STK32B: variants seen among roughly 807,000 people sequenced by gnomAD.
The protein encoded by STK32B is serine/threonine-protein kinase 32B.
Under a neutral mutation model 52.6 loss-of-function variants are expected in STK32B, and 43 were observed. The ratio of observed to expected loss-of-function variants is 0.82; its 90% confidence interval spans 0.64 to 1.05. The LOEUF (loss-of-function observed/expected upper bound fraction) is 1.05. Among genes scored for constraint, STK32B ranks in the 50% least tolerant of loss-of-function variants. STK32B has a pLI of 0.00. For missense variants in STK32B, 621 were observed against 534.6 expected, an observed-to-expected ratio of 1.16 and a Z score of -1.59; for synonymous variants, 238 against 204.3, an observed-to-expected ratio of 1.17 and a Z score of -1.41.
In STK32B at chr4:5,082,582, A is replaced by C. The variant is rs59646328; in HGVS notation, c.52+30667A>C. Among the ~76,000 whole-genome samples, 8 of 152,330 alleles carry C rather than the reference A, an allele frequency of 5.3e-5. No homozygotes were observed. The East Asian group carries it at 1.5e-3, about 29-fold the overall frequency. On this transcript the variant is annotated intron_variant, in intron 1 of 11. Coordinates refer to ENST00000282908, the MANE Select transcript of STK32B (RefSeq NM_018401.3). The stretch of plus-strand genomic sequence containing the variant: ...TATATCCGTATCTATTGCCTGCTGG[A>C]AATGTAATGACAACTCTAACTTTTT...
At chr4:5,285,114 C>G (rs1728463209) in intron 3 of STK32B, among the ~76,000 whole-genome samples, 1 of 152,154 alleles carries the variant, frequency 6.6e-6, no homozygotes, top group Middle Eastern at 3.2e-3. Flanking sequence ...TTTAATTTCT[C>G]TAGCTTACTT....
intron 3 of STK32B, among the ~76,000 whole-genome samples, chr4:5,263,862 CTGTG>C (rs1339846219): frequency 6.6e-6 from 1 of 152,222 alleles, no homozygotes; most frequent in Non-Finnish European, 1.5e-5. Context: ...CAGGAAACCA[CTGTG>C]CTTATTTCTA....
chr4:5,364,987 T>A (rs1456980438), intron 4 of STK32B, among the ~76,000 whole-genome samples: 1 of 152,182 alleles, frequency 6.6e-6, no homozygotes, highest in Non-Finnish European at 1.5e-5. Flanking sequence ...GCGATTCTCC[T>A]GCCTCAGCAT....
intron 1 of STK32B, among the ~76,000 whole-genome samples, chr4:5,131,034 C>A (rs901687479): frequency 6.6e-6 from 1 of 152,180 alleles, no homozygotes; most frequent in Admixed American, 6.5e-5. Flanking sequence ...CCCGTCACCC[C>A]CTTTTGATGT....
Position 5,447,777 on chromosome 4 carries a change from G to A in STK32B, c.666+1001G>A, listed in dbSNP as rs78972239. Among the ~76,000 whole-genome samples, 1,271 of 152,316 alleles carry A rather than the reference G, an allele frequency of 8.3e-3. 28 individuals are homozygous for A. Among genetic ancestry groups the A allele is most frequent in the African/African-American group, 0.027 (1,125 of 41,562 alleles). The stretch of plus-strand genomic sequence containing the variant: ...TAACGGGGATAATAAGATCCTTTCT[G>A]TCTATTTAGCGGAGCTGGAGTTTTA... On this transcript the variant is annotated intron_variant, in intron 7 of 11. Coordinates refer to ENST00000282908, the MANE Select transcript of STK32B (RefSeq NM_018401.3).
intron 3 of STK32B, among the ~76,000 whole-genome samples, chr4:5,226,665 G>A (rs1233517422): frequency 6.6e-6 from 1 of 152,076 alleles, no homozygotes; most frequent in Non-Finnish European, 1.5e-5. Context: ...ACTTAATAAC[G>A]GCCCCAAAGC....
chr4:5,214,395 G>A (rs899490744), intron 3 of STK32B: 7 of 152,172 alleles, frequency 4.6e-5, no homozygotes, highest in Non-Finnish European at 1.0e-4. Flanking sequence ...CCCAGTCTCG[G>A]GTAGTTCTTT....
chr4:5,473,471 T>TC (rs576124271), intron 11 of STK32B, among the ~76,000 whole-genome samples: 8 of 152,028 alleles, frequency 5.3e-5, no homozygotes, highest in South Asian at 2.1e-4. Context: ...TTATGCTTAT[T>TC]CCCCCCCATT....
At chr4:5,466,873 T>C in intron 10 of STK32B, 39 bp downstream of exon 10, 1 of 1,601,806 alleles carries the variant, frequency 6.2e-7, no homozygotes. Flanking sequence ...AGAGAAATCC[T>C]GTGCTCATAG....
At chr4:5,195,235 T>C (rs1392195779) in intron 3 of STK32B, among the ~76,000 whole-genome samples, 1 of 152,128 alleles carries the variant, frequency 6.6e-6, no homozygotes, top group Non-Finnish European at 1.5e-5. Flanking sequence ...TACCTTTGAT[T>C]TGCCAATATA....
intron 4 of STK32B, among the ~76,000 whole-genome samples, chr4:5,359,007 G>T (rs1238612564): frequency 6.6e-6 from 1 of 152,188 alleles, no homozygotes; most frequent in Non-Finnish European, 1.5e-5. Flanking sequence ...ATTAACACAG[G>T]AAAGGGGTTG....
intron 1 of STK32B, among the ~76,000 whole-genome samples, chr4:5,087,457 A>T (rs2108780185): frequency 6.6e-6 from 1 of 152,154 alleles, no homozygotes; most frequent in Admixed American, 6.5e-5. Flanking sequence ...AACAGTAGTT[A>T]TATTAAATGT....
intron 4 of STK32B, among the ~76,000 whole-genome samples, chr4:5,358,548 G>A (rs1486619641): frequency 3.9e-5 from 6 of 152,006 alleles, no homozygotes; most frequent in Admixed American, 1.3e-4. Flanking sequence ...CAAAGCTTGG[G>A]CATTAAGAAC....
chr4:5,403,395 G>A (rs1258818201), intron 5 of STK32B, among the ~76,000 whole-genome samples: 1 of 152,058 alleles, frequency 6.6e-6, no homozygotes, highest in Non-Finnish European at 1.5e-5. Flanking sequence ...CCTTCCCATG[G>A]AAACCACAAT....
intron 7 of STK32B, among the ~76,000 whole-genome samples, chr4:5,450,526 C>G (rs566779266): frequency 6.6e-6 from 1 of 152,290 alleles, no homozygotes; most frequent in Non-Finnish European, 1.5e-5. Context: ...TTTCCCCTTA[C>G]TCAGTCGAAA....
chr4:5,276,269 A>G (rs1420577735), intron 3 of STK32B, among the ~76,000 whole-genome samples: 1 of 152,122 alleles, frequency 6.6e-6, no homozygotes, highest in African/African-American at 2.4e-5. Context: ...AGCCTGGGCA[A>G]CAGAGTGAGA....
At chr4:5,316,907 A>T (rs1262367532) in intron 3 of STK32B, among the ~76,000 whole-genome samples, 1 of 14,542 alleles carries the variant, frequency 6.9e-5, no homozygotes, top group African/African-American at 5.9e-4. Flanking sequence ...ATAATATATA[A>T]TATATATGAT....
chr4:5,468,527 T>C (rs1405291285), intron 11 of STK32B, among the ~76,000 whole-genome samples: 2 of 152,182 alleles, frequency 1.3e-5, no homozygotes, highest in Non-Finnish European at 2.9e-5. Context: ...AATGAGGCTG[T>C]GGTCCCGCAG....
chr4:5,065,940 T>C (rs891083995), intron 1 of STK32B, among the ~76,000 whole-genome samples: 6 of 152,098 alleles, frequency 3.9e-5, no homozygotes, highest in Admixed American at 3.9e-4. Flanking sequence ...GCCAGGCTAG[T>C]CTCAAACTCC....
Sources: gnomAD v4.1 joint callset for allele counts (sites outside exome capture counted in the v4.1 genomes callset) on GRCh38, gnomAD v4.1.1 for gene constraint, MANE v1.5 for transcripts, NCBI Gene and HGNC (gene_info 2026-07-23, HGNC 2026-07-21) for gene names.